Variants in KSR2 observed in about 807,000 individuals in gnomAD.
The protein encoded by KSR2 is kinase suppressor of ras 2.
A neutral mutation model predicts 107.8 loss-of-function variants in KSR2; 25 were observed. The ratio of observed to expected loss-of-function variants is 0.23; its 90% confidence interval spans 0.17 to 0.32. The LOEUF is 0.32. KSR2 is among the 10% of genes least tolerant of loss of function. The pLI is 1.00. For synonymous variants in KSR2, 480 were observed against 507.0 expected, an observed-to-expected ratio of 0.95 and a Z score of 0.71; for missense variants, 887 against 1,268.9, an observed-to-expected ratio of 0.70 and a Z score of 4.57.
intron 3 of KSR2, among the ~76,000 whole-genome samples, chr12:117,775,353 A>G (rs1200184750): frequency 1.3e-5 from 2 of 152,236 alleles, no homozygotes; most frequent in Non-Finnish European, 2.9e-5. Flanking sequence ...TTGTCATCAT[A>G]GCCATCCTAG....
In KSR2 at chr12:117,897,970, T is replaced by C. The variant is rs944966470; in HGVS notation, c.181-37539A>G. Among the ~76,000 whole-genome samples, 4 of 152,112 alleles carry C rather than the reference T, an allele frequency of 2.6e-5. No homozygotes were observed. Among genetic ancestry groups the C allele is most frequent in the African/African-American group, 7.2e-5 (3 of 41,426 alleles). On this transcript the variant is annotated intron_variant, in intron 1 of 19. Coordinates refer to ENST00000339824, the MANE Select transcript of KSR2 (RefSeq NM_173598.6). This position sits in a 1 kb window ranked among gnomAD's most constrained non-coding sequence, Gnocchi z 4.5. ...ATACACGTACACACACACAGTCATA[T>C]GGTATACTCTATCAGCAACCTAACA...
intron 5 of KSR2, among the ~76,000 whole-genome samples, chr12:117,645,957 C>G (rs1883615274): frequency 6.6e-6 from 1 of 150,636 alleles, no homozygotes; most frequent in Admixed American, 6.7e-5. Context: ...TTCCAGGACA[C>G]CCCACATATA....
At chr12:117,731,345 C>A (rs485931) in intron 4 of KSR2, among the ~76,000 whole-genome samples, 48,757 of 145,270 alleles carry the variant, frequency 0.34, 9,834 homozygotes, top group Admixed American at 0.47. Flanking sequence ...GGAGCCCCCC[C>A]GCCCAGCAGC....
intron 5 of KSR2, among the ~76,000 whole-genome samples, chr12:117,639,628 C>CATATTA (rs1565939319): frequency 1.3e-4 from 7 of 52,186 alleles, no homozygotes; most frequent in African/African-American, 5.0e-4. Flanking sequence ...CCGCACCCAG[C>CATATTA]GTATTATTAT....
chr12:117,649,450 C>T (rs933408016), intron 5 of KSR2, among the ~76,000 whole-genome samples: 1 of 152,228 alleles, frequency 6.6e-6, no homozygotes, highest in Non-Finnish European at 1.5e-5. Context: ...CACCATACAA[C>T]AGTATCAACA....
rs375266379 is a variant in KSR2, at chr12:117,888,825, C to T, written c.181-28394G>A. ...CCATCCAGTCTATGGTATTTTGTTA[C>T]GGCAGCCCAAGTTGACTAAGTCAGG... On this transcript the variant is annotated intron_variant, in intron 1 of 19. Transcript: ENST00000339824. Among the ~76,000 whole-genome samples, 127 of 152,124 alleles carry T rather than the reference C, an allele frequency of 8.3e-4. 1 individual carries two copies. In the South Asian group the frequency reaches 0.016, roughly 19 times the overall value.
At chr12:117,550,886 A>G (rs1877252708) in intron 9 of KSR2, among the ~76,000 whole-genome samples, 1 of 152,168 alleles carries the variant, frequency 6.6e-6, no homozygotes, top group South Asian at 2.1e-4. Flanking sequence ...ACCATCCTCC[A>G]CGTCTAGTTT....
At chr12:117,824,087 C>T (rs1891653316) in intron 3 of KSR2, among the ~76,000 whole-genome samples, 1 of 152,104 alleles carries the variant, frequency 6.6e-6, no homozygotes, top group Non-Finnish European at 1.5e-5. Context: ...GAATGAAATC[C>T]TGTCATCTGC....
chr12:117,831,032 C>T (rs1482603640), intron 3 of KSR2, among the ~76,000 whole-genome samples: 1 of 152,092 alleles, frequency 6.6e-6, no homozygotes, highest in Non-Finnish European at 1.5e-5. Flanking sequence ...CCTCCATGTT[C>T]CTGTCTCCTG....
intron 18 of KSR2, among the ~76,000 whole-genome samples, chr12:117,470,687 T>C (rs73399582): frequency 1.3e-5 from 2 of 152,172 alleles, no homozygotes; most frequent in Admixed American, 1.3e-4. Context: ...TACCACATCA[T>C]TACTCCTTCT....
At chr12:117,707,605 T>C (rs10744900) in intron 4 of KSR2, among the ~76,000 whole-genome samples, 73,142 of 151,938 alleles carry the variant, frequency 0.48, 18,760 homozygotes, top group African/African-American at 0.65. Flanking sequence ...TATTTTGGCA[T>C]GTGGGTTGTG....
chr12:117,549,971 G>A (rs1877177146), intron 9 of KSR2, among the ~76,000 whole-genome samples: 1 of 152,176 alleles, frequency 6.6e-6, no homozygotes, highest in South Asian at 2.1e-4. Context: ...TCTTCTGCAG[G>A]TTAAACCCAC....
chr12:117,780,878 C>T (rs1273796704), intron 3 of KSR2, among the ~76,000 whole-genome samples: 1 of 152,158 alleles, frequency 6.6e-6, no homozygotes, highest in African/African-American at 2.4e-5. Flanking sequence ...CTCACAATGT[C>T]ATAAAGGTTG....
At chr12:117,787,430 T>C (rs1205014685) in intron 3 of KSR2, among the ~76,000 whole-genome samples, 3 of 152,090 alleles carry the variant, frequency 2.0e-5, no homozygotes, top group Admixed American at 6.5e-5. Context: ...GTCAGGAGTT[T>C]GAGATGGGCC....
At chr12:117,862,728 CT>C (rs60357744) in intron 1 of KSR2, among the ~76,000 whole-genome samples, 18,165 of 134,528 alleles carry the variant, frequency 0.14, 845 homozygotes, top group African/African-American at 0.18. Flanking sequence ...CATTCCCCCC[CT>C]TTTTTTTTTT....
chr12:117,852,204 C>G (rs1892952338), intron 3 of KSR2, among the ~76,000 whole-genome samples: 1 of 151,876 alleles, frequency 6.6e-6, no homozygotes, highest in Non-Finnish European at 1.5e-5. Context: ...AGGCGGATTG[C>G]CTGAGCTCAG....
At chr12:117,748,069 T>G (rs778910233) in intron 4 of KSR2, among the ~76,000 whole-genome samples, 4 of 148,230 alleles carry the variant, frequency 2.7e-5, no homozygotes, top group Non-Finnish European at 4.5e-5. Flanking sequence ...CATCAGCGGA[T>G]GAATGGATAA....
chr12:117,748,975 A>G (rs1344900002), intron 4 of KSR2, among the ~76,000 whole-genome samples: 1 of 151,720 alleles, frequency 6.6e-6, no homozygotes, highest in African/African-American at 2.4e-5. Flanking sequence ...GGAGGGGTAT[A>G]GAACGCACAG....
chr12:117,488,411 T>C (rs543926968), intron 14 of KSR2, among the ~76,000 whole-genome samples: 1 of 152,330 alleles, frequency 6.6e-6, no homozygotes, highest in East Asian at 1.9e-4. Context: ...CTGCAATGGA[T>C]TGAATGTTTG....
Sources: allele counts gnomAD v4.1 joint callset (sites outside exome capture counted in the v4.1 genomes callset), GRCh38; gene constraint gnomAD v4.1.1; non-coding constraint Gnocchi (gnomAD v3.1); transcripts MANE v1.5; gene names NCBI Gene and HGNC (gene_info 2026-07-23, HGNC 2026-07-21).